AJAP1: variants seen among roughly 807,000 people sequenced by gnomAD.
AJAP1 encodes the protein adherens junction-associated protein 1.
In AJAP1, 5 loss-of-function variants were observed where a neutral mutation model predicts 35.0. That is an observed-to-expected ratio of 0.14 (90% CI 0.07 to 0.30). The LOEUF (loss-of-function observed/expected upper bound fraction) is 0.30, where lower values mean the gene tolerates loss of function less well. AJAP1 is among the 10% of genes least tolerant of loss of function. The pLI is 1.00. For synonymous variants in AJAP1, 284 were observed against 249.3 expected (o/e 1.14, Z -1.31); for missense variants, 586 against 571.0 (o/e 1.03, Z -0.27).
chr1:4,685,790 A>T (rs1281078417), intron 1 of AJAP1, among the ~76,000 whole-genome samples: 1 of 152,218 alleles, frequency 6.6e-6, no homozygotes, highest in Non-Finnish European at 1.5e-5. Flanking sequence ...TTCTGAAGCC[A>T]TGGCCTTTCC....
intron 2 of AJAP1, among the ~76,000 whole-genome samples, chr1:4,741,678 C>T (rs568443953): frequency 3.9e-5 from 6 of 152,294 alleles, no homozygotes; most frequent in South Asian, 2.1e-4. Flanking sequence ...AATTAAGAGG[C>T]GCTAGGCAGT....
chr1:4,697,056 ATG>A (rs1557613513), intron 1 of AJAP1, among the ~76,000 whole-genome samples: 2 of 151,820 alleles, frequency 1.3e-5, no homozygotes, highest in African/African-American at 4.8e-5. Flanking sequence ...TTGTGTGTGT[ATG>A]TTAGTTTGTG....
Position 4,693,629 on chromosome 1 carries a change from C to G in AJAP1, c.30-18271C>G, listed in dbSNP as rs147914632. 1.4e-4 allele frequency among the ~76,000 whole-genome samples: 21 copies of G among 152,278 alleles called. No homozygotes were observed. The highest frequency in any genetic ancestry group is 5.1e-4 in the African/African-American group (21 of 41,548). Reference sequence around the variant, plus strand: ...AGTGCCTGTCTTAGCCTGTTTTATGCGGCTCTAACAATATATGTGAGACTG... The same window carrying G: ...AGTGCCTGTCTTAGCCTGTTTTATGGGGCTCTAACAATATATGTGAGACTG... On this transcript the variant is annotated intron_variant, in intron 1 of 5. Transcript: ENST00000378191. This position sits in a 1 kb window ranked among gnomAD's most constrained non-coding sequence, Gnocchi z 4.4.
At position 4,789,173 on chromosome 1, in the gene AJAP1, G is replaced by A. The variant is rs543813958; in HGVS notation, c.*6688G>A. ...TAGAGATTAAACACTAGTGAGTAGCGGGGGAAGGGAACAGTGACTGTATAA... is the reference window on the plus strand; with the variant it reads ...TAGAGATTAAACACTAGTGAGTAGCAGGGGAAGGGAACAGTGACTGTATAA... On this transcript the variant is annotated 3_prime_UTR_variant, in exon 6 of 6. Transcript: ENST00000378191. The surrounding 1 kb of genome is among the most constrained non-coding windows in gnomAD (Gnocchi z 4.4). The A allele has an allele frequency of 3.0e-4, 46 of 152,222 alleles. No homozygotes were observed. The highest frequency in any genetic ancestry group is 9.6e-4 in the African/African-American group (40 of 41,480). 9.4% of individuals were successfully genotyped at this position (152,222 alleles called of 1,614,324 possible).
intron 2 of AJAP1, among the ~76,000 whole-genome samples, chr1:4,726,655 C>G (rs1640666630): frequency 6.6e-6 from 1 of 152,134 alleles, no homozygotes; most frequent in Admixed American, 6.5e-5. Context: ...GTTTTAAATG[C>G]ACATTTCTGG....
At chr1:4,726,388 C>T (rs995916747) in intron 2 of AJAP1, among the ~76,000 whole-genome samples, 2 of 152,058 alleles carry the variant, frequency 1.3e-5, no homozygotes, top group Non-Finnish European at 2.9e-5. Flanking sequence ...TGAATAATGG[C>T]GTAATTTAGG....
At chr1:4,742,439 G>C (rs1400585189) in intron 2 of AJAP1, among the ~76,000 whole-genome samples, 1 of 152,138 alleles carries the variant, frequency 6.6e-6, no homozygotes, top group East Asian at 1.9e-4. Context: ...GAAAGTCTAG[G>C]AAGGGCTGGG....
intron 2 of AJAP1, among the ~76,000 whole-genome samples, chr1:4,752,215 G>T (rs968808067): frequency 6.6e-6 from 1 of 150,986 alleles, no homozygotes; most frequent in African/African-American, 2.4e-5. Context: ...GAGGAGGAGG[G>T]ACAGGGGGAT....
At chr1:4,718,302 G>T (rs532384663) in intron 2 of AJAP1, among the ~76,000 whole-genome samples, 1 of 152,164 alleles carries the variant, frequency 6.6e-6, no homozygotes, top group Admixed American at 6.5e-5. Flanking sequence ...TTCTGGACAC[G>T]ACTGTGTTGC....
intron 1 of AJAP1, among the ~76,000 whole-genome samples, chr1:4,668,629 G>A (rs1433237799): frequency 6.6e-6 from 1 of 152,188 alleles, no homozygotes; most frequent in African/African-American, 2.4e-5. Flanking sequence ...TCCAAGAGGA[G>A]TGTGCCCGTA....
intron 5 of AJAP1, among the ~76,000 whole-genome samples, chr1:4,781,249 G>C (rs1337638277): frequency 8.5e-5 from 13 of 152,186 alleles, no homozygotes; most frequent in Non-Finnish European, 1.6e-4. Flanking sequence ...AATCACTGCG[G>C]TGGGCTCAGT....
intron 2 of AJAP1, among the ~76,000 whole-genome samples, chr1:4,716,689 GTGA>G (rs1004849625): frequency 6.6e-5 from 10 of 151,746 alleles, no homozygotes; most frequent in African/African-American, 2.4e-4. Flanking sequence ...GGAAATGGTG[GTGA>G]TGATGGTGGT....
Position 4,712,037 on chromosome 1 carries a change from C to T in AJAP1, c.167C>T (p.Ser56Leu). 6.3e-7 allele frequency: 1 copy of T among 1,593,108 alleles called. No individual in the cohort carries two copies. Among genetic ancestry groups the T allele is most frequent in the South Asian group, 1.1e-5 (1 of 88,314 alleles). ...PGPEFWLLPR[S>L]PPRPPRLWSF... ...CCGGAGTTCTGGCTCCTGCCGCGGTCGCCGCCCCGGCCGCCCCGGCTGTGG... is the reference window on the plus strand; with the variant it reads ...CCGGAGTTCTGGCTCCTGCCGCGGTTGCCGCCCCGGCCGCCCCGGCTGTGG... The change falls in exon 2 of 6, where the codon TCG becomes TTG. Residue 56 changes from serine (S) to leucine (L), a missense_variant. Ser to Leu is a moderately radical substitution (Grantham distance 145, BLOSUM62 -2). Coordinates refer to ENST00000378191, the MANE Select transcript of AJAP1 (RefSeq NM_018836.4).
In AJAP1 at chr1:4,782,244, G is replaced by A. The variant is rs543417528; in HGVS notation, c.*60-301G>A. 6.6e-6 allele frequency among the ~76,000 whole-genome samples: 1 copy of A among 152,262 alleles called. No homozygotes were observed. Among genetic ancestry groups the A allele is most frequent in the Non-Finnish European group, 1.5e-5 (1 of 68,008 alleles). ...CCCACCATGAGTTAGCGGAGGGGGT[G>A]GTCCCAGCCCCTGGTAGCAAGCTCA... On this transcript the variant is annotated intron_variant, in intron 5 of 5. Transcript: ENST00000378191. This position sits in a 1 kb window ranked among gnomAD's most constrained non-coding sequence, Gnocchi z 5.3.
chr1:4,766,546 T>C (rs894126837), intron 2 of AJAP1, among the ~76,000 whole-genome samples: 1 of 152,178 alleles, frequency 6.6e-6, no homozygotes, highest in South Asian at 2.1e-4. Flanking sequence ...ATGTCAGAAG[T>C]CCCAGTCCTT....
At chr1:4,686,919 C>G (rs994428623) in intron 1 of AJAP1, among the ~76,000 whole-genome samples, 7 of 152,202 alleles carry the variant, frequency 4.6e-5, no homozygotes, top group Non-Finnish European at 8.8e-5. Context: ...AGGGAATCTC[C>G]ACTTCTGCCG....
At chr1:4,664,631 A>G (rs1176854485) in intron 1 of AJAP1, among the ~76,000 whole-genome samples, 1 of 152,194 alleles carries the variant, frequency 6.6e-6, no homozygotes, top group Non-Finnish European at 1.5e-5. Flanking sequence ...GAATGGACCC[A>G]GGAGAGAGCT....
intron 1 of AJAP1, among the ~76,000 whole-genome samples, chr1:4,663,378 T>C (rs10799253): frequency 0.95 from 144,220 of 151,794 alleles, 68,574 homozygotes; most frequent in African/African-American, 0.98. Context: ...GGGTGTTAGA[T>C]GCTGCCACTC....
chr1:4,774,397 C>G (rs200265769), intron 4 of AJAP1, 30 bp from the exon 5 acceptor site: 6 of 1,609,116 alleles, frequency 3.7e-6, no homozygotes, highest in Non-Finnish European at 5.1e-6. Context: ...AGTACCAGCA[C>G]GCCAAAGCCC....
Sources: gnomAD v4.1 joint callset for allele counts (sites outside exome capture counted in the v4.1 genomes callset) on GRCh38, gnomAD v4.1.1 for gene constraint, Gnocchi (gnomAD v3.1) non-coding constraint, MANE v1.5 for transcripts, NCBI Gene and HGNC (gene_info 2026-07-23, HGNC 2026-07-21) for gene names.